The following ZC3H18 variants were observed in gnomAD, a reference collection of about 807,000 sequenced individuals.
ZC3H18 encodes zinc finger CCCH-type containing 18.
ZC3H18 carries 8 observed loss-of-function variants against 106.1 expected under a neutral mutation model. The ratio of observed to expected loss-of-function variants is 0.08; its 90% CI spans 0.04 to 0.14. The LOEUF (loss-of-function observed/expected upper bound fraction) is 0.14. Ranked by LOEUF, ZC3H18 falls within the 10% of genes least tolerant of loss-of-function variation. The pLI is 1.00. For missense variants in ZC3H18, 1,318 were observed against 1,278.4 expected (o/e 1.03, Z -0.47); for synonymous variants, 635 against 522.1 (o/e 1.22, Z -2.95).
rs915542998 is a variant in ZC3H18 at position 88,611,279 on chromosome 16, G to T, written c.1218G>T (p.Arg406=). The part of the protein sequence containing the change: ...EPYHNYRERE[R]ERERENRQRE... ...GCTTTTTAACAAAGGAAAGGGAGCG[G>T]GAGCGAGAGAGAGAGAACAGACAGC... Residue 406 remains arginine (R), a synonymous_variant, in exon 8 of 18, where the codon CGG becomes CGT. Transcript: ENST00000301011. 2.6e-6 allele frequency: 2 copies of T among 773,814 alleles called. No individual in the cohort carries two copies. The highest frequency in any genetic ancestry group is 4.8e-6 in the Non-Finnish European group (2 of 415,020). The allele number at this position is 773,814 out of a possible 1,614,324, so 47.9% of individuals were successfully genotyped here.
chr16:88,621,137 C>T (rs1905931281), intron 8 of ZC3H18, among the ~76,000 whole-genome samples: 1 of 152,318 alleles, frequency 6.6e-6, no homozygotes, highest in African/African-American at 2.4e-5. Flanking sequence ...CTCCGCCTCC[C>T]AGTTTCAAGC....
In ZC3H18 at chr16:88,624,228, C is replaced by G. The variant is rs1906151011; in HGVS notation, c.1898+166C>G. 1.9e-5 allele frequency: 18 copies of G among 928,122 alleles called. No homozygotes were observed. In the South Asian group the frequency reaches 2.7e-4, roughly 14 times the overall value. The allele number at this position is 928,122 out of a possible 1,614,324, so 57.5% of individuals were successfully genotyped here. A position where few individuals can be genotyped will look rare whatever the true frequency, so the allele number is the denominator to read the frequency against. On this transcript the variant is annotated intron_variant, in intron 11 of 17. Transcript: ENST00000301011. ...GGGCTGGGAGGCACTGGGCACAGCT[C>G]CTGTTCTCACGGGCCACCCTTACAC...
chr16:88,605,013 C>G (rs1053752855), intron 6 of ZC3H18, among the ~76,000 whole-genome samples: 8 of 152,212 alleles, frequency 5.3e-5, no homozygotes, highest in African/African-American at 1.9e-4. Flanking sequence ...AGTAGGATGT[C>G]AGGCTGGGAT....
In ZC3H18 at chr16:88,594,105, A is replaced by G. The variant is rs1025686801; in HGVS notation, c.689-4073A>G. 3.9e-4 allele frequency among the ~76,000 whole-genome samples: 60 copies of G among 152,000 alleles called. 1 individual carries two copies. The highest frequency in any genetic ancestry group is 3.9e-3 in the Admixed American group (60 of 15,254). On this transcript the variant is annotated intron_variant, in intron 3 of 17. Coordinates refer to ENST00000301011, the MANE Select transcript of ZC3H18 (RefSeq NM_144604.4). ...AGCTGCATCTCTTCCTGGGGCTGTA[A>G]TGTCCTCTCCTGCTTGAGCCACAGC...
chr16:88,598,129 G>T, intron 3 of ZC3H18, 49 bp from the exon 4 acceptor site: 1 of 1,368,702 alleles, frequency 7.3e-7, no homozygotes, highest in Non-Finnish European at 9.6e-7. Flanking sequence ...CTGCCCTTGT[G>T]CAATTAGGCT....
chr16:88,625,309 C>A, intron 13 of ZC3H18, 42 bp downstream of exon 13: 2 of 1,556,814 alleles, frequency 1.3e-6, no homozygotes, highest in Non-Finnish European at 1.7e-6. Flanking sequence ...CCCTCCCCGT[C>A]GGGGCCAGGA....
intron 9 of ZC3H18, 195 bp from the exon 10 acceptor site, chr16:88,623,024 G>T (rs1286694427): frequency 4.2e-6 from 3 of 716,292 alleles, no homozygotes; most frequent in Admixed American, 3.0e-5. Context: ...CACCAAGGAG[G>T]GATGGCACTG....
intron 1 of ZC3H18, chr16:88,571,481 T>G (rs1288949431): frequency 3.0e-6 from 1 of 337,514 alleles, no homozygotes; most frequent in Non-Finnish European, 4.2e-6. Flanking sequence ...TGACCTCGGC[T>G]GAATCCCGCT....
At chr16:88,605,443 A>AG (rs1362702255) in intron 6 of ZC3H18, among the ~76,000 whole-genome samples, 3 of 152,348 alleles carry the variant, frequency 2.0e-5, no homozygotes, top group Admixed American at 1.3e-4. Context: ...AAGAGGCAGC[A>AG]GGGGGCTGCG....
chr16:88,597,524 G>A (rs1360130235), intron 3 of ZC3H18, among the ~76,000 whole-genome samples: 2 of 152,198 alleles, frequency 1.3e-5, no homozygotes, highest in East Asian at 3.8e-4. Flanking sequence ...CTCAGTAATT[G>A]AGTTAGACAC....
intron 6 of ZC3H18, among the ~76,000 whole-genome samples, chr16:88,607,708 C>G (rs1273377069): frequency 1.3e-5 from 2 of 151,792 alleles, no homozygotes; most frequent in Non-Finnish European, 2.9e-5. Flanking sequence ...AGGCGTCTCC[C>G]CATTTATTCA....
chr16:88,600,868 T>A (rs1904712608), intron 6 of ZC3H18, among the ~76,000 whole-genome samples: 1 of 152,258 alleles, frequency 6.6e-6, no homozygotes, highest in Non-Finnish European at 1.5e-5. Flanking sequence ...AACTGGATTA[T>A]AATTCGGGCA....
chr16:88,590,715 A>C (rs1278332677), intron 3 of ZC3H18, among the ~76,000 whole-genome samples: 1 of 149,040 alleles, frequency 6.7e-6, no homozygotes, highest in Non-Finnish European at 1.5e-5. Flanking sequence ...ATCTGCCACC[A>C]CCCCCAACTC....
intron 1 of ZC3H18, among the ~76,000 whole-genome samples, chr16:88,575,124 C>T (rs370606283): frequency 3.3e-4 from 50 of 151,552 alleles, no homozygotes; most frequent in East Asian, 1.2e-3. Flanking sequence ...CCACCGTGCC[C>T]GGCCTCTAAT....
chr16:88,590,855 C>T (rs1409180652), intron 3 of ZC3H18, among the ~76,000 whole-genome samples: 1 of 151,552 alleles, frequency 6.6e-6, no homozygotes, highest in African/African-American at 2.4e-5. Flanking sequence ...CCACCACACC[C>T]GGCCCCTACT....
rs147021768 is a variant in ZC3H18 at position 88,588,423 on chromosome 16, C to T, written c.688+1739C>T. Reference sequence around the variant, plus strand: ...GGGCAGGGAGACTCTGGACCAGGAGCCCAGGGCTCACTGCTGAGCTAATTC... The same window carrying T: ...GGGCAGGGAGACTCTGGACCAGGAGTCCAGGGCTCACTGCTGAGCTAATTC... On this transcript the variant is annotated intron_variant, in intron 3 of 17. Transcript: ENST00000301011. 3.8e-3 allele frequency among the ~76,000 whole-genome samples: 579 copies of T among 152,282 alleles called. 5 individuals are homozygous for T. Among genetic ancestry groups the T allele is most frequent in the African/African-American group, 0.012 (513 of 41,540 alleles).
intron 4 of ZC3H18, 59 bp downstream of exon 4, chr16:88,598,385 C>T: frequency 6.4e-7 from 1 of 1,553,596 alleles, no homozygotes; most frequent in Non-Finnish European, 8.7e-7. Context: ...GTGTCTGAAT[C>T]TCAAGCTTAA....
intron 3 of ZC3H18, chr16:88,587,531 T>C (rs1242736561): frequency 1.3e-6 from 2 of 1,535,888 alleles, no homozygotes; most frequent in Non-Finnish European, 1.7e-6. Flanking sequence ...CTTCCTGTAC[T>C]TCTTTTCCAG....
intron 13 of ZC3H18, chr16:88,626,597 C>A (rs1204612456): frequency 6.6e-6 from 1 of 152,184 alleles, no homozygotes; most frequent in African/African-American, 2.4e-5. Context: ...AAGTGATCCT[C>A]CCACCGTGGT....
Sources: gnomAD v4.1 joint callset for allele counts (sites outside exome capture counted in the v4.1 genomes callset) on GRCh38, gnomAD v4.1.1 for gene constraint, MANE v1.5 for transcripts, NCBI Gene and HGNC (gene_info 2026-07-23, HGNC 2026-07-21) for gene names.